Variants in PIP4K2A observed in about 807,000 individuals in gnomAD.
The protein encoded by PIP4K2A is phosphatidylinositol 5-phosphate 4-kinase type-2 alpha.
In PIP4K2A, 14 loss-of-function variants were observed where a neutral mutation model predicts 42.9. The observed-to-expected ratio is 0.33, with a 90% confidence interval of 0.22 to 0.51. The LOEUF is 0.51. Ranked by LOEUF, PIP4K2A falls within the 20% of genes least tolerant of loss-of-function variation. PIP4K2A has a pLI of 0.97. For missense variants in PIP4K2A, 434 were observed against 519.8 expected (o/e 0.83, Z 1.61); for synonymous variants, 192 against 192.2 (o/e 1.00, Z 0.01).
At chr10:22,539,906 A>AGAGAGG (rs146089705) in intron 9 of PIP4K2A, 65 bp downstream of exon 9, 3 of 337,158 alleles carry the variant, frequency 8.9e-6, no homozygotes, top group Non-Finnish European at 1.5e-5. Flanking sequence ...AGAGAGAGAG[A>AGAGAGG]GAGAGGGAGA....
intron 1 of PIP4K2A, among the ~76,000 whole-genome samples, chr10:22,711,628 C>CTTAAA (rs1833911801): frequency 6.6e-6 from 1 of 152,222 alleles, no homozygotes; most frequent in South Asian, 2.1e-4. Context: ...TTAAGAAAAA[C>CTTAAA]TTAAAGCGCA....
chr10:22,654,500 C>T (rs991190671), intron 1 of PIP4K2A, among the ~76,000 whole-genome samples: 1 of 152,120 alleles, frequency 6.6e-6, no homozygotes, highest in Non-Finnish European at 1.5e-5. Context: ...TTAACATGGG[C>T]TAAGATTTCA....
intron 7 of PIP4K2A, among the ~76,000 whole-genome samples, chr10:22,546,200 G>A (rs79633794): frequency 3.6e-3 from 550 of 152,284 alleles, no homozygotes; most frequent in Non-Finnish European, 6.1e-3. Context: ...CCTCACAGGG[G>A]TGTCGAAGAA....
chr10:22,613,242 CTAAGTTGAGT>C (rs1437537472), intron 1 of PIP4K2A, among the ~76,000 whole-genome samples: 3 of 151,842 alleles, frequency 2.0e-5, no homozygotes, highest in Non-Finnish European at 4.4e-5. Flanking sequence ...GGAACCCAGA[CTAAGTTGAGT>C]TAAGGAAATG....
Position 22,541,861 on chromosome 10 carries a change from G to T in PIP4K2A, c.979C>A (p.Leu327Met), listed in dbSNP as rs2230470. 1.0e-3 allele frequency: 1,681 copies of T among 1,603,890 alleles called. 19 individuals are homozygous for T. In the African/African-American group the frequency reaches 0.019, roughly 18 times the overall value. ...PGNTLNSSPP[L>M]APGEFDPNID... ...TTCGGATCGAACTCCCCGGGAGCCA[G>T]GGGTGGTGAGCTGTTCAGTGTATTC... The change falls in exon 8 of 10, where the codon CTG (leucine) becomes ATG (methionine). Residue 327 changes from leucine (L) to methionine (M), a missense_variant. This residue lies in a region of PIP4K2A where 395 missense variants were observed against 444.5 expected (regional missense o/e 0.89). Coordinates refer to ENST00000376573, the MANE Select transcript of PIP4K2A (RefSeq NM_005028.5).
intron 5 of PIP4K2A, among the ~76,000 whole-genome samples, chr10:22,568,634 G>A (rs1339103284): frequency 6.6e-6 from 1 of 152,200 alleles, no homozygotes; most frequent in African/African-American, 2.4e-5. Context: ...CTCTGCCTTA[G>A]AGCTCTGGGT....
At position 22,550,754 on chromosome 10, in the gene PIP4K2A, G is replaced by C; in HGVS notation, c.697C>G (p.Leu233Val). The C allele has an allele frequency of 1.2e-6, 2 of 1,601,286 alleles. No individual in the cohort carries two copies. Among genetic ancestry groups the C allele is most frequent in the East Asian group, 2.2e-5 (1 of 44,802 alleles). ...TCATTAATGAAATCATTATCTTTCA[G>C]AGTTGGCAGTTCTTTGGCCTAAAAC... The part of the protein sequence containing the change: ...DKEKAKELPT[L>V]KDNDFINEGQ... Residue 233 changes from leucine (L) to valine (V), a missense_variant, in exon 7 of 10, where the codon CTG becomes GTG. Leu to Val is a conservative substitution (Grantham distance 32). Around this residue, in one of 2 missense-constraint regions of PIP4K2A, gnomAD observed 395 missense variants for 444.5 expected, o/e 0.89. Coordinates refer to ENST00000376573, the MANE Select transcript of PIP4K2A (RefSeq NM_005028.5).
chr10:22,672,920 T>C (rs920855089), intron 1 of PIP4K2A, among the ~76,000 whole-genome samples: 1 of 152,060 alleles, frequency 6.6e-6, no homozygotes, highest in Non-Finnish European at 1.5e-5. Context: ...AATGAGTGAG[T>C]TCCTGAGAAG....
chr10:22,555,355 T>G (rs1220649366), intron 6 of PIP4K2A, among the ~76,000 whole-genome samples: 1 of 152,244 alleles, frequency 6.6e-6, no homozygotes, highest in East Asian at 1.9e-4. Context: ...GAGGGTTGCA[T>G]GAGTTCACAC....
intron 4 of PIP4K2A, among the ~76,000 whole-genome samples, chr10:22,584,718 CT>C (rs1048554439): frequency 1.3e-5 from 2 of 152,194 alleles, no homozygotes; most frequent in African/African-American, 4.8e-5. Context: ...ATACCTTCCC[CT>C]GTTTCTAAGA....
At chr10:22,570,984 C>G (rs751997144) in intron 5 of PIP4K2A, among the ~76,000 whole-genome samples, 30 of 152,080 alleles carry the variant, frequency 2.0e-4, no homozygotes, top group Admixed American at 9.8e-4. Flanking sequence ...GTGTGTCATA[C>G]AAGTAGGCAT....
intron 1 of PIP4K2A, among the ~76,000 whole-genome samples, chr10:22,674,739 C>T (rs1839520989): frequency 6.6e-6 from 1 of 151,648 alleles, no homozygotes; most frequent in Non-Finnish European, 1.5e-5. Context: ...GCCAAGATTT[C>T]AGGACCAGTC....
chr10:22,558,376 T>C (rs894931199), intron 6 of PIP4K2A, among the ~76,000 whole-genome samples: 2 of 152,242 alleles, frequency 1.3e-5, no homozygotes, highest in South Asian at 2.1e-4. Flanking sequence ...GTAATCCTTA[T>C]GTTGGAGCTA....
intron 1 of PIP4K2A, among the ~76,000 whole-genome samples, chr10:22,675,464 T>G (rs1438074181): frequency 3.9e-5 from 6 of 152,052 alleles, no homozygotes; most frequent in Admixed American, 3.3e-4. Context: ...CGTGTGCCTG[T>G]AATCCCAGCT....
At chr10:22,583,822 C>T (rs1041352745) in intron 4 of PIP4K2A, among the ~76,000 whole-genome samples, 4 of 152,236 alleles carry the variant, frequency 2.6e-5, no homozygotes, top group Admixed American at 2.6e-4. Flanking sequence ...TCATGCTGCC[C>T]AGCTGAGCGT....
intron 7 of PIP4K2A, among the ~76,000 whole-genome samples, chr10:22,542,540 G>C (rs1256632350): frequency 1.3e-5 from 2 of 152,210 alleles, no homozygotes; most frequent in African/African-American, 4.8e-5. Flanking sequence ...TAAAAGTAAA[G>C]GCACTGTGTC....
At chr10:22,618,087 T>C (rs1007532231) in intron 1 of PIP4K2A, among the ~76,000 whole-genome samples, 1 of 152,210 alleles carries the variant, frequency 6.6e-6, no homozygotes, top group Admixed American at 6.5e-5. Context: ...CCAGATTCCC[T>C]AGACTCTGCA....
Position 22,672,379 on chromosome 10 carries a change from C to A in PIP4K2A, c.144+41804G>T, listed in dbSNP as rs552997317. Among the ~76,000 whole-genome samples the A allele has an allele frequency of 9.2e-5, 14 of 152,254 alleles. No homozygotes were observed. In the South Asian group the frequency reaches 2.7e-3, roughly 29 times the overall value. ...ACTATTCACACCTTCATAACCACTTCCAAAGAATTAAAAAAATGGATAAAG... is the reference window on the plus strand; with the variant it reads ...ACTATTCACACCTTCATAACCACTTACAAAGAATTAAAAAAATGGATAAAG... On this transcript the variant is annotated intron_variant, in intron 1 of 9. Transcript: ENST00000376573.
chr10:22,618,439 T>G (rs945460086), intron 1 of PIP4K2A, among the ~76,000 whole-genome samples: 2 of 152,206 alleles, frequency 1.3e-5, no homozygotes, highest in Non-Finnish European at 2.9e-5. Context: ...TCCAGAGCTA[T>G]TGAAGTGACT....
Sources: gnomAD v4.1 joint callset for allele counts (sites outside exome capture counted in the v4.1 genomes callset) on GRCh38, gnomAD v4.1.1 for gene constraint, gnomAD v4.1.1 regional missense constraint, MANE v1.5 for transcripts, NCBI Gene and HGNC (gene_info 2026-07-23, HGNC 2026-07-21) for gene names.